Variants in PDE4D observed in about 807,000 individuals in gnomAD.
The protein encoded by PDE4D is phosphodiesterase 4D.
In PDE4D, 24 loss-of-function variants were observed where a neutral mutation model predicts 87.4. The ratio of observed to expected loss-of-function variants is 0.27; its 90% confidence interval spans 0.20 to 0.39. The LOEUF (loss-of-function observed/expected upper bound fraction) is 0.39, where lower values mean the gene tolerates loss of function less well. PDE4D is among the 10% of genes least tolerant of loss of function. PDE4D has a pLI of 1.00. For synonymous variants in PDE4D, 384 were observed against 383.2 expected (o/e 1.00, Z -0.02); for missense variants, 714 against 1,041.0 (o/e 0.69, Z 4.32).
At chr5:60,152,652 CA>C (rs35561110) in intron 2 of PDE4D, among the ~76,000 whole-genome samples, 7,305 of 130,064 alleles carry the variant, frequency 0.056, 524 homozygotes, top group African/African-American at 0.18. Context: ...GACTCTGTCT[CA>C]AAAAAAAAAA....
intron 2 of PDE4D, among the ~76,000 whole-genome samples, chr5:60,026,518 G>T (rs1224215101): frequency 6.6e-6 from 1 of 152,172 alleles, no homozygotes; most frequent in Admixed American, 6.5e-5. Context: ...AAAAAGTGTA[G>T]TGATACTGAA....
chr5:59,823,339 C>A (rs1769930426), intron 1 of PDE4D, among the ~76,000 whole-genome samples: 1 of 152,188 alleles, frequency 6.6e-6, no homozygotes, highest in Non-Finnish European at 1.5e-5. Flanking sequence ...GCTTATAATG[C>A]ATTCTTTTTT....
At chr5:59,960,915 T>C (rs1011852436) in intron 3 of PDE4D, among the ~76,000 whole-genome samples, 1 of 152,012 alleles carries the variant, frequency 6.6e-6, no homozygotes, top group Non-Finnish European at 1.5e-5. Context: ...AGAAGATAAA[T>C]TATAGTTAGG....
At chr5:60,206,886 C>A (rs1742598316) in intron 1 of PDE4D, among the ~76,000 whole-genome samples, 1 of 152,126 alleles carries the variant, frequency 6.6e-6, no homozygotes, top group South Asian at 2.1e-4. Flanking sequence ...GCAAGGCTAA[C>A]ACTAGAAACA....
intron 1 of PDE4D, among the ~76,000 whole-genome samples, chr5:59,655,010 G>A (rs914386365): frequency 1.7e-4 from 26 of 152,070 alleles, no homozygotes; most frequent in Admixed American, 8.5e-4. Flanking sequence ...TAATGTTGCT[G>A]TGAACATTTG....
intron 2 of PDE4D, among the ~76,000 whole-genome samples, chr5:60,055,771 A>G (rs1770710329): frequency 6.6e-6 from 1 of 152,128 alleles, no homozygotes; most frequent in Non-Finnish European, 1.5e-5. Context: ...AGGCAGTCTG[A>G]CTTTAGAGCC....
intron 1 of PDE4D, among the ~76,000 whole-genome samples, chr5:59,378,800 G>C (rs1785202257): frequency 6.6e-6 from 1 of 152,100 alleles, no homozygotes; most frequent in Non-Finnish European, 1.5e-5. Flanking sequence ...TTTTATACCA[G>C]GTCATTCTTA....
intron 1 of PDE4D, among the ~76,000 whole-genome samples, chr5:59,465,379 T>A (rs1354776075): frequency 6.6e-6 from 1 of 152,132 alleles, no homozygotes; most frequent in African/African-American, 2.4e-5. Flanking sequence ...CATGTGCACA[T>A]ACACATATGT....
At chr5:60,044,225 A>G (rs1211114616) in intron 2 of PDE4D, among the ~76,000 whole-genome samples, 1 of 152,164 alleles carries the variant, frequency 6.6e-6, no homozygotes, top group Admixed American at 6.5e-5. Flanking sequence ...CAATAAGATT[A>G]TTATATATTG....
intron 2 of PDE4D, among the ~76,000 whole-genome samples, chr5:60,010,786 C>T (rs1043369595): frequency 1.2e-4 from 19 of 152,194 alleles, no homozygotes; most frequent in Admixed American, 3.9e-4. Flanking sequence ...TTTTATTTTA[C>T]TCAATTTTAT....
intron 2 of PDE4D, among the ~76,000 whole-genome samples, chr5:60,099,799 C>T (rs542183850): frequency 6.6e-6 from 1 of 152,054 alleles, no homozygotes; most frequent in African/African-American, 2.4e-5. Context: ...AATGGTGTAA[C>T]TACTATAAAG....
At chr5:59,311,380 AGT>A (rs1266778020) in intron 1 of PDE4D, among the ~76,000 whole-genome samples, 1 of 151,678 alleles carries the variant, frequency 6.6e-6, no homozygotes, top group Non-Finnish European at 1.5e-5. Context: ...ATGCATCTGT[AGT>A]CCCAGCTCCT....
At chr5:59,350,855 A>T (rs905637391) in intron 1 of PDE4D, among the ~76,000 whole-genome samples, 1 of 152,212 alleles carries the variant, frequency 6.6e-6, no homozygotes, top group Non-Finnish European at 1.5e-5. Context: ...TGAAAATGTG[A>T]ACCTCAGCAG....
chr5:60,208,288 C>T (rs945344032), intron 1 of PDE4D, among the ~76,000 whole-genome samples: 11 of 152,080 alleles, frequency 7.2e-5, no homozygotes, highest in African/African-American at 2.4e-4. Context: ...TTTGAAAAGA[C>T]GACATTTGAG....
chr5:59,597,759 G>A (rs1583262546), intron 1 of PDE4D, among the ~76,000 whole-genome samples: 1 of 152,184 alleles, frequency 6.6e-6, no homozygotes, highest in East Asian at 1.9e-4. Context: ...GTATAATTAA[G>A]TAGAATAATC....
chr5:60,163,991 G>T (rs1473158718), intron 2 of PDE4D, among the ~76,000 whole-genome samples: 1 of 152,140 alleles, frequency 6.6e-6, no homozygotes, highest in Non-Finnish European at 1.5e-5. Context: ...TATCTGTCTA[G>T]GAATGAATGT....
In PDE4D at chr5:60,507,649, T is replaced by TA. The variant is rs774100219; in HGVS notation, n.70+14401dup. Among the ~76,000 whole-genome samples the TA allele has an allele frequency of 4.8e-4, 72 of 148,536 alleles. 1 individual carries two copies. The highest frequency in any genetic ancestry group is 1.1e-3 in the Admixed American group (16 of 14,874). On this transcript the variant is annotated intron_variant and non_coding_transcript_variant, in intron 1 of 2. Transcript: ENST00000506510. ...GCCAAGAGTGAGCATTTTCTTTATT[T>TA]AAAAAAAAAAATCTTCTGCTAGATT...
chr5:60,380,800 C>T (rs1036324385), intron 1 of PDE4D, among the ~76,000 whole-genome samples: 2 of 152,172 alleles, frequency 1.3e-5, no homozygotes, highest in African/African-American at 2.4e-5. Flanking sequence ...AACGAGAAAT[C>T]GACATCACTT....
intron 1 of PDE4D, among the ~76,000 whole-genome samples, chr5:59,460,938 C>T (rs1800684412): frequency 6.6e-6 from 1 of 152,200 alleles, no homozygotes; most frequent in South Asian, 2.1e-4. Context: ...CTACCCCATA[C>T]TGTGTGCTGT....
Sources: allele counts gnomAD v4.1 joint callset (sites outside exome capture counted in the v4.1 genomes callset), GRCh38; gene constraint gnomAD v4.1.1; transcripts MANE v1.5; gene names NCBI Gene and HGNC (gene_info 2026-07-23, HGNC 2026-07-21).